The following ITGB4 variants were observed in gnomAD, a reference collection of about 807,000 sequenced individuals.
ITGB4 encodes the protein integrin beta-4.
ITGB4 carries 159 observed loss-of-function variants against 207.6 expected under a neutral mutation model. The observed-to-expected ratio is 0.77, with a 90% CI of 0.67 to 0.87. ITGB4 has a LOEUF of 0.87. Ranked by LOEUF, ITGB4 falls within the 40% of genes least tolerant of loss-of-function variation. The probability of loss-of-function intolerance (pLI) is 0.00; values close to 1 mark genes in which losing one functional copy is unlikely to be tolerated. For synonymous variants in ITGB4, 1,020 were observed against 1,062.7 expected, an observed-to-expected ratio of 0.96 and a Z score of 0.78; for missense variants, 2,278 against 2,546.8, an observed-to-expected ratio of 0.89 and a Z score of 2.27.
intron 25 of ITGB4, 104 bp from the exon 26 acceptor site, chr17:75,743,609 C>G (rs539660409): frequency 6.7e-7 from 1 of 1,497,984 alleles, no homozygotes; most frequent in Admixed American, 1.7e-5. Context: ...GGGAACCAAG[C>G]GGACTCCTGG....
Position 75,729,627 on chromosome 17 carries a change from G to T in ITGB4, c.738+191G>T, listed in dbSNP as rs1412844723. On this transcript the variant is annotated intron_variant, in intron 7 of 39. Transcript: ENST00000200181. The surrounding 1 kb of genome is among the most constrained non-coding windows in gnomAD (Gnocchi z 4.4). ...AGGTCTCAGTTACAATCTGAGTTCA[G>T]ATGTGCCTGGAGCCACGGTCCCCTG... is the stretch of plus-strand genomic sequence containing the variant. Among the ~76,000 whole-genome samples the T allele has an allele frequency of 1.3e-5, 2 of 152,140 alleles. No homozygotes were observed. Among genetic ancestry groups the T allele is most frequent in the African/African-American group, 2.4e-5 (1 of 41,438 alleles).
rs188179377 is a variant in ITGB4, at chr17:75,740,665, C to T, written c.2551-128C>T. The T allele has an allele frequency of 1.1e-3, 1,230 of 1,142,120 alleles. 6 individuals carry two copies. The Middle Eastern group carries it at 0.02, about 18-fold the overall frequency. 70.7% of individuals were successfully genotyped at this position (1,142,120 alleles called of 1,614,324 possible). Reference sequence around the variant, plus strand: ...AGCCTGGGCCCAGGATGCTGCCCCACGGGGCATGCCCCAGCCAACCCTGAG... The same window carrying T: ...AGCCTGGGCCCAGGATGCTGCCCCATGGGGCATGCCCCAGCCAACCCTGAG... On this transcript the variant is annotated intron_variant, in intron 21 of 39. Transcript: ENST00000200181. The surrounding 1 kb of genome is among the most constrained non-coding windows in gnomAD (Gnocchi z 5.9).
Position 75,736,760 on chromosome 17 carries a change from G to T in ITGB4, c.1990+66G>T, listed in dbSNP as rs1335057220. 12 of 1,536,662 alleles carry T rather than the reference G, an allele frequency of 7.8e-6. No individual in the cohort carries two copies. The African/African-American group carries it at 1.5e-4, about 19-fold the overall frequency. On this transcript the variant is annotated intron_variant, in intron 16 of 39. Coordinates refer to ENST00000200181, the MANE Select transcript of ITGB4 (RefSeq NM_000213.5). ...GGCAGCGGGCATCCAACGGGGCAAG[G>T]GTGTCATCACCTGGACGGGGGCTTG...
intron 16 of ITGB4, among the ~76,000 whole-genome samples, chr17:75,736,909 A>G (rs1296594090): frequency 6.6e-6 from 1 of 151,994 alleles, no homozygotes; most frequent in African/African-American, 2.4e-5. Context: ...CACAGAACCC[A>G]GGCGGTGGGA....
rs201523797 is a variant in ITGB4 at position 75,740,820 on chromosome 17, G to A, written c.2578G>A (p.Gly860Ser). The part of the protein sequence containing the change: ...NLNEVYRQIS[G>S]VHKLQQTKFR... ...GAACGAGGTCTACAGGCAGATCTCCGGTGTACACAAGCTCCAGCAGACCAA... is the reference window on the plus strand; with the variant it reads ...GAACGAGGTCTACAGGCAGATCTCCAGTGTACACAAGCTCCAGCAGACCAA... The change falls in exon 22 of 40, where the codon GGT becomes AGT. Residue 860 changes from glycine (G) to serine (S), a missense_variant. By Grantham distance (56) the Gly-to-Ser change is moderately conservative. Transcript: ENST00000200181. The surrounding 1 kb of genome is among the most constrained non-coding windows in gnomAD (Gnocchi z 5.9). 7.1e-5 allele frequency: 115 copies of A among 1,613,468 alleles called. No individual in the cohort carries two copies. Among genetic ancestry groups the A allele is most frequent in the Non-Finnish European group, 8.6e-5 (102 of 1,180,014 alleles).
At position 75,727,858 on chromosome 17, in the gene ITGB4, A is replaced by T. The variant is rs776301136; in HGVS notation, c.469+3A>T. 1 of 1,613,498 alleles carries T rather than the reference A, an allele frequency of 6.2e-7. No individual in the cohort carries two copies. On this transcript the variant is annotated splice_donor_region_variant and intron_variant, in intron 5 of 39. Transcript: ENST00000200181. The surrounding 1 kb of genome is among the most constrained non-coding windows in gnomAD (Gnocchi z 6.0). Reference sequence around the variant, plus strand: ...CAAGAAGATGGGGCAGAACCTGGGTACGGCAGGGCCAGAGTGGAGGACAGC... The same window carrying T: ...CAAGAAGATGGGGCAGAACCTGGGTTCGGCAGGGCCAGAGTGGAGGACAGC...
intron 35 of ITGB4, 65 bp from the exon 36 acceptor site, chr17:75,756,364 A>G: frequency 6.3e-7 from 1 of 1,577,504 alleles, no homozygotes; most frequent in Non-Finnish European, 8.7e-7. Flanking sequence ...CTTAGGGACG[A>G]GGAGGATCAG....
chr17:75,741,142 C>A, intron 23 of ITGB4, 137 bp downstream of exon 23: 1 of 961,996 alleles, frequency 1.0e-6, no homozygotes, highest in Non-Finnish European at 1.6e-6. Flanking sequence ...AGGTTCGGAC[C>A]TTCATTCGTT....
Position 75,752,256 on chromosome 17 carries a change from G to C in ITGB4, c.3876G>C (p.Gln1292His). 1 of 1,613,576 alleles carries C rather than the reference G, an allele frequency of 6.2e-7. No homozygotes were observed. Among genetic ancestry groups the C allele is most frequent in the Non-Finnish European group, 8.5e-7 (1 of 1,180,032 alleles). The change falls in exon 31 of 40, where the codon CAG becomes CAC. Residue 1292 changes from glutamine (Q) to histidine (H), a missense_variant. Coordinates refer to ENST00000200181, the MANE Select transcript of ITGB4 (RefSeq NM_000213.5). ...TTATTGAGAACCTTCGGGAGTCCCA[G>C]CCCTACCGCTACACGGTGAAGGCGC... ...MLLIENLRES[Q>H]PYRYTVKARN...
Position 75,727,366 on chromosome 17 carries a change from G to C in ITGB4, c.163-38G>C. On this transcript the variant is annotated intron_variant, in intron 3 of 39. Transcript: ENST00000200181. This position sits in a 1 kb window ranked among gnomAD's most constrained non-coding sequence, Gnocchi z 6.0. ...TCTAGGGTTGGGGCAGCCAGGGAAT[G>C]GGTGCTGCCCCCAGTGACCCCCTGT... The C allele has an allele frequency of 2.5e-6, 4 of 1,610,734 alleles. No individual in the cohort carries two copies. Among genetic ancestry groups the C allele is most frequent in the Non-Finnish European group, 3.4e-6 (4 of 1,177,100 alleles).
Position 75,740,642 on chromosome 17 carries a change from C to T in ITGB4, c.2551-151C>T. 1 of 1,024,232 alleles carries T rather than the reference C, an allele frequency of 9.8e-7. No homozygotes were observed. Among genetic ancestry groups the T allele is most frequent in the Non-Finnish European group, 1.5e-6 (1 of 665,266 alleles). 63.4% of individuals were successfully genotyped at this position (1,024,232 alleles called of 1,614,324 possible). The stretch of plus-strand genomic sequence containing the variant: ...GTTTCCAGAGGGCAGAAGGCCAGAG[C>T]CTGGGCCCAGGATGCTGCCCCACGG... On this transcript the variant is annotated intron_variant, in intron 21 of 39. Transcript: ENST00000200181. The surrounding 1 kb of genome is among the most constrained non-coding windows in gnomAD (Gnocchi z 5.9).
chr17:75,755,038 G>A, intron 34 of ITGB4: 1 of 1,589,600 alleles, frequency 6.3e-7, no homozygotes, highest in Non-Finnish European at 8.6e-7. Context: ...TCTCACTCTT[G>A]TTTTGTCCTG....
chr17:75,730,744 AAG>A, intron 8 of ITGB4, 129 bp from the exon 9 acceptor site: 5 of 1,043,670 alleles, frequency 4.8e-6, no homozygotes, highest in Non-Finnish European at 7.3e-6. Flanking sequence ...GGTGGGGGCT[AAG>A]AGGGCAGGCT....
At chr17:75,736,504 C>G (rs545834373) in intron 15 of ITGB4, 61 bp from the exon 16 acceptor site, 1 of 1,595,826 alleles carries the variant, frequency 6.3e-7, no homozygotes, top group South Asian at 1.1e-5. Flanking sequence ...GTTTGGGGAG[C>G]GGGGGTCTGG....
chr17:75,749,075 A>G, intron 27 of ITGB4, 30 bp downstream of exon 27: 1 of 1,575,994 alleles, frequency 6.3e-7, no homozygotes, highest in Non-Finnish European at 8.6e-7. Flanking sequence ...CGGCTTAAGC[A>G]GGAGGAGAGG....
rs1006740497 is a variant in ITGB4 at position 75,740,390 on chromosome 17, C to T, written c.2479C>T (p.Leu827Phe). The change falls in exon 21 of 40, where the codon CTT becomes TTT. Residue 827 changes from leucine (L) to phenylalanine (F), a missense_variant. Transcript: ENST00000200181. This position sits in a 1 kb window ranked among gnomAD's most constrained non-coding sequence, Gnocchi z 5.9. ...PYGLSLRLAR[L>F]CTENLLKPDT... ...CGGGCTGTCCTTGCGCCTGGCCCGCCTTTGCACCGAGAACCTGCTGAAGCC... is the reference window on the plus strand; with the variant it reads ...CGGGCTGTCCTTGCGCCTGGCCCGCTTTTGCACCGAGAACCTGCTGAAGCC... 1 of 1,613,840 alleles carries T rather than the reference C, an allele frequency of 6.2e-7. No individual in the cohort carries two copies.
At position 75,728,408 on chromosome 17, in the gene ITGB4, C is replaced by T. The variant is rs1385779948; in HGVS notation, c.501C>T (p.Tyr167=). The change falls in exon 6 of 40, where the codon TAC becomes TAT. Residue 167 remains tyrosine, a synonymous_variant. Transcript: ENST00000200181. Reference sequence around the variant, plus strand: ...TCCTGAGCCAGCTCACCAGCGACTACACTATTGGATTTGGCAAGTTTGTGG... The same window carrying T: ...TCCTGAGCCAGCTCACCAGCGACTATACTATTGGATTTGGCAAGTTTGTGG... ...ARVLSQLTSD[Y]TIGFGKFVDK... is the part of the protein sequence containing the mutation. 20 of 1,614,180 alleles carry T rather than the reference C, an allele frequency of 1.2e-5. No homozygotes were observed. Among genetic ancestry groups the T allele is most frequent in the Non-Finnish European group, 1.7e-5 (20 of 1,180,014 alleles).
chr17:75,737,423 G>C lies in ITGB4; in HGVS notation c.2092G>C (p.Val698Leu). The C allele has an allele frequency of 1.9e-6, 3 of 1,556,652 alleles. No individual in the cohort carries two copies. The highest frequency in any genetic ancestry group is 2.6e-6 in the Non-Finnish European group (3 of 1,150,042). The stretch of plus-strand genomic sequence containing the variant: ...CGGCGCCCCTGGGCCCAACAGCACT[G>C]TCCTGGTGCACAAGAAGAAGGGTGA... ...GDGAPGPNST[V>L]LVHKKKDCPP... is the part of the protein sequence containing the mutation. The change falls in exon 17 of 40, where the codon GTC becomes CTC. Residue 698 changes from valine (V) to leucine (L), a missense_variant. Physicochemically the swap from Val to Leu is conservative, Grantham distance 32. Transcript: ENST00000200181.
chr17:75,722,907 G>A lies in ITGB4; in HGVS notation c.-11+1295G>A, dbSNP rs1048356643. On this transcript the variant is annotated intron_variant, in intron 1 of 39. Coordinates refer to ENST00000200181, the MANE Select transcript of ITGB4 (RefSeq NM_000213.5). The surrounding 1 kb of genome is among the most constrained non-coding windows in gnomAD (Gnocchi z 6.2). ...GGGGCAGCCTGGTGGGGTCCGGGCC[G>A]CCTGGAGAGTAGGTGTCCTGAGCGC... is the stretch of plus-strand genomic sequence containing the variant. Among the ~76,000 whole-genome samples, 7 of 152,212 alleles carry A rather than the reference G, an allele frequency of 4.6e-5. No homozygotes were observed. Among genetic ancestry groups the A allele is most frequent in the African/African-American group, 1.7e-4 (7 of 41,526 alleles).
Sources: gnomAD v4.1 joint callset for allele counts (sites outside exome capture counted in the v4.1 genomes callset) on GRCh38, gnomAD v4.1.1 for gene constraint, Gnocchi (gnomAD v3.1) non-coding constraint, MANE v1.5 for transcripts, NCBI Gene and HGNC (gene_info 2026-07-23, HGNC 2026-07-21) for gene names.